ERBB4: variants seen among roughly 807,000 people sequenced by gnomAD.
ERBB4 encodes the protein erb-b2 receptor tyrosine kinase 4, also known as receptor tyrosine-protein kinase erbB-4.
In ERBB4, 42 loss-of-function variants were observed where a neutral mutation model predicts 158.0. The ratio of observed to expected loss-of-function variants is 0.27; its 90% CI spans 0.21 to 0.34. The LOEUF (loss-of-function observed/expected upper bound fraction) is 0.34, where lower values mean the gene tolerates loss of function less well. ERBB4 is among the 10% of genes least tolerant of loss of function. The pLI is 1.00. For missense variants in ERBB4, 1,333 were observed against 1,624.1 expected (o/e 0.82, Z 3.08); for synonymous variants, 583 against 558.7 (o/e 1.04, Z -0.61).
At chr2:211,496,792 T>C (rs2065479984) in intron 20 of ERBB4, among the ~76,000 whole-genome samples, 1 of 152,160 alleles carries the variant, frequency 6.6e-6, no homozygotes, top group South Asian at 2.1e-4. Context: ...GGTTTATACT[T>C]GTTTCTTTTG....
At chr2:212,157,450 T>C (rs1290664133) in intron 1 of ERBB4, among the ~76,000 whole-genome samples, 1 of 152,136 alleles carries the variant, frequency 6.6e-6, no homozygotes, top group Non-Finnish European at 1.5e-5. Context: ...ACATAGTTAT[T>C]GTACTTAATC....
chr2:212,141,221 T>C (rs770758501), intron 1 of ERBB4, among the ~76,000 whole-genome samples: 3 of 152,006 alleles, frequency 2.0e-5, no homozygotes, highest in Non-Finnish European at 4.4e-5. Flanking sequence ...TTAATTGTTA[T>C]GCATTATATT....
intron 1 of ERBB4, among the ~76,000 whole-genome samples, chr2:212,404,628 T>G (rs1002216103): frequency 6.6e-6 from 1 of 151,964 alleles, no homozygotes; most frequent in Non-Finnish European, 1.5e-5. Flanking sequence ...CTGGAAAGTG[T>G]GCATTTGTTG....
intron 2 of ERBB4, among the ~76,000 whole-genome samples, chr2:212,107,947 C>T (rs1157373454): frequency 6.6e-6 from 1 of 152,086 alleles, no homozygotes; most frequent in Non-Finnish European, 1.5e-5. Context: ...TCCATTAAAC[C>T]TTTTTTCTTT....
chr2:212,199,849 T>G (rs557479767), intron 1 of ERBB4, among the ~76,000 whole-genome samples: 1 of 147,934 alleles, frequency 6.8e-6, no homozygotes, highest in African/African-American at 2.6e-5. Context: ...TCAGAATTCA[T>G]TGACTGCCAG....
At chr2:211,505,476 A>C (rs2065720849) in intron 20 of ERBB4, among the ~76,000 whole-genome samples, 1 of 147,968 alleles carries the variant, frequency 6.8e-6, no homozygotes, top group African/African-American at 2.5e-5. Flanking sequence ...CACGAAAATG[A>C]AAGAATGATA....
chr2:211,869,840 A>G (rs1012161465), intron 3 of ERBB4, among the ~76,000 whole-genome samples: 1 of 152,184 alleles, frequency 6.6e-6, no homozygotes, highest in Non-Finnish European at 1.5e-5. Context: ...CAAACTCTCA[A>G]CAGAAGTTTC....
intron 20 of ERBB4, among the ~76,000 whole-genome samples, chr2:211,437,349 T>C (rs1177862166): frequency 6.6e-6 from 1 of 152,198 alleles, no homozygotes; most frequent in East Asian, 1.9e-4. Flanking sequence ...CCAAGGAAAA[T>C]TGTATTAGAA....
At chr2:211,822,468 G>A (rs573627337) in intron 3 of ERBB4, among the ~76,000 whole-genome samples, 2 of 152,058 alleles carry the variant, frequency 1.3e-5, no homozygotes, top group East Asian at 1.9e-4. Flanking sequence ...AAGAACTAAT[G>A]TATCACTTGT....
chr2:211,497,738 TG>T (rs2065507188), intron 20 of ERBB4, among the ~76,000 whole-genome samples: 1 of 152,106 alleles, frequency 6.6e-6, no homozygotes, highest in Admixed American at 6.5e-5. Context: ...GAGGCTCTTA[TG>T]AGACATTATT....
intron 20 of ERBB4, among the ~76,000 whole-genome samples, chr2:211,520,437 TA>T (rs1446303962): frequency 6.6e-6 from 1 of 152,098 alleles, no homozygotes; most frequent in South Asian, 2.1e-4. Flanking sequence ...AGGCCAAATC[TA>T]GCCCGTGGCC....
At chr2:212,137,440 T>C (rs191853026) in intron 1 of ERBB4, among the ~76,000 whole-genome samples, 4 of 152,330 alleles carry the variant, frequency 2.6e-5, no homozygotes, top group African/African-American at 4.8e-5. Context: ...TGGTTTGCTG[T>C]TCCTGTGTTA....
chr2:211,572,179 T>C (rs11889520), intron 19 of ERBB4, among the ~76,000 whole-genome samples: 1 of 152,004 alleles, frequency 6.6e-6, no homozygotes, highest in African/African-American at 2.4e-5. Flanking sequence ...AATTAACATA[T>C]TCTGTTTATG....
intron 20 of ERBB4, among the ~76,000 whole-genome samples, chr2:211,537,159 A>G (rs1388949368): frequency 6.6e-6 from 1 of 152,122 alleles, no homozygotes; most frequent in East Asian, 1.9e-4. Context: ...GCTTGTATCC[A>G]TCCGTGTTTA....
intron 1 of ERBB4, among the ~76,000 whole-genome samples, chr2:212,359,282 A>C (rs1011290404): frequency 1.3e-5 from 2 of 151,594 alleles, no homozygotes; most frequent in African/African-American, 4.8e-5. Flanking sequence ...ATATACATAT[A>C]TATATCCATA....
At chr2:211,414,767 G>GTTAGC (rs1242168527) in intron 25 of ERBB4, among the ~76,000 whole-genome samples, 1 of 151,958 alleles carries the variant, frequency 6.6e-6, no homozygotes, top group Non-Finnish European at 1.5e-5. Context: ...CATCCCCTCT[G>GTTAGC]TTAGCTTAGA....
At chr2:212,328,317 G>A (rs1214851292) in intron 1 of ERBB4, among the ~76,000 whole-genome samples, 2 of 152,130 alleles carry the variant, frequency 1.3e-5, no homozygotes, top group East Asian at 3.9e-4. Flanking sequence ...AGCTCCAAGT[G>A]TAAATGTTTT....
intron 1 of ERBB4, among the ~76,000 whole-genome samples, chr2:212,138,246 AC>A (rs1202446738): frequency 6.6e-6 from 1 of 152,182 alleles, no homozygotes; most frequent in Non-Finnish European, 1.5e-5. Context: ...TACGAAATAT[AC>A]ATCGTTTTGT....
chr2:211,724,200 T>A (rs1051310895), intron 6 of ERBB4, among the ~76,000 whole-genome samples: 3 of 152,128 alleles, frequency 2.0e-5, no homozygotes, highest in East Asian at 3.9e-4. Context: ...TTCCTCCCTA[T>A]CCATTTCTGC....
Sources: gnomAD v4.1 joint callset for allele counts (sites outside exome capture counted in the v4.1 genomes callset) on GRCh38, gnomAD v4.1.1 for gene constraint, MANE v1.5 for transcripts, NCBI Gene and HGNC (gene_info 2026-07-23, HGNC 2026-07-21) for gene names.